Variants in KCNIP4 observed in about 807,000 individuals in gnomAD.
The protein encoded by KCNIP4 is Kv channel-interacting protein 4.
In KCNIP4, 12 loss-of-function variants were observed where a neutral mutation model predicts 34.0. The ratio of observed to expected loss-of-function variants is 0.35; its 90% CI spans 0.23 to 0.57. The LOEUF is 0.57. Ranked by LOEUF, KCNIP4 falls within the 20% of genes least tolerant of loss-of-function variation. The pLI, the probability that KCNIP4 is intolerant of heterozygous loss-of-function variation, is 0.83. For missense variants in KCNIP4, 238 were observed against 311.7 expected (o/e 0.76, Z 1.78); for synonymous variants, 124 against 102.2 (o/e 1.21, Z -1.29).
intron 1 of KCNIP4, among the ~76,000 whole-genome samples, chr4:20,967,134 T>C (rs1249429220): frequency 5.3e-5 from 8 of 152,214 alleles, no homozygotes. Context: ...ATGACCTATA[T>C]CTTAGGGAAG....
chr4:21,948,148 G>C (rs539423083), intron 1 of KCNIP4, among the ~76,000 whole-genome samples: 1 of 152,186 alleles, frequency 6.6e-6, no homozygotes, highest in Non-Finnish European at 1.5e-5. Context: ...ATGAAGAAAC[G>C]TGTGGGGGCA....
intron 1 of KCNIP4, among the ~76,000 whole-genome samples, chr4:21,815,125 G>C (rs1721913081): frequency 1.3e-5 from 2 of 152,036 alleles, no homozygotes; most frequent in African/African-American, 4.8e-5. Flanking sequence ...GTGTACACCA[G>C]GTTAAGGTGG....
At chr4:21,625,179 A>T (rs1043268504) in intron 1 of KCNIP4, among the ~76,000 whole-genome samples, 36 of 152,090 alleles carry the variant, frequency 2.4e-4, no homozygotes, top group African/African-American at 8.4e-4. Flanking sequence ...AAATAATAAT[A>T]TACATTAAAC....
intron 3 of KCNIP4, among the ~76,000 whole-genome samples, chr4:20,803,004 G>T (rs770891406): frequency 6.6e-6 from 1 of 150,998 alleles, no homozygotes; most frequent in Non-Finnish European, 1.5e-5. Flanking sequence ...GAATCTGGGA[G>T]GCGTAGCATG....
chr4:21,526,228 T>A (rs1333541424), intron 1 of KCNIP4, among the ~76,000 whole-genome samples: 1 of 152,070 alleles, frequency 6.6e-6, no homozygotes, highest in Admixed American at 6.6e-5. Context: ...GCAGGTAGGT[T>A]TTTCCAGGGC....
At chr4:20,897,938 C>G (rs1374986216) in intron 1 of KCNIP4, among the ~76,000 whole-genome samples, 1 of 152,110 alleles carries the variant, frequency 6.6e-6, no homozygotes, top group Non-Finnish European at 1.5e-5. Flanking sequence ...GATACCTGGT[C>G]AAATATTCTT....
chr4:21,568,124 C>T (rs55960027), intron 1 of KCNIP4, among the ~76,000 whole-genome samples: 1 of 152,008 alleles, frequency 6.6e-6, no homozygotes, highest in Non-Finnish European at 1.5e-5. Flanking sequence ...GAATTCAAAT[C>T]GTATTATAAT....
chr4:20,909,177 T>A (rs1177916839), intron 1 of KCNIP4, among the ~76,000 whole-genome samples: 1 of 152,240 alleles, frequency 6.6e-6, no homozygotes, highest in African/African-American at 2.4e-5. Flanking sequence ...TAGAAAATCA[T>A]ATATGAAATT....
intron 1 of KCNIP4, among the ~76,000 whole-genome samples, chr4:21,878,505 C>T (rs1726273132): frequency 6.6e-6 from 1 of 152,136 alleles, no homozygotes; most frequent in Non-Finnish European, 1.5e-5. Context: ...ATTCTTTCAC[C>T]TACTACCATC....
intron 1 of KCNIP4, among the ~76,000 whole-genome samples, chr4:21,048,303 AAAGAG>A (rs1429287531): frequency 2.0e-5 from 3 of 152,088 alleles, no homozygotes; most frequent in Non-Finnish European, 2.9e-5. Flanking sequence ...TGTAAACTCT[AAAGAG>A]AAGATGACAA....
chr4:21,948,480 C>G, intron 1 of KCNIP4, 91 bp downstream of exon 1: 1 of 1,410,780 alleles, frequency 7.1e-7, no homozygotes, highest in Non-Finnish European at 9.7e-7. Flanking sequence ...AACAAGCGTC[C>G]CCAGCCGAGG....
At chr4:21,809,979 T>C (rs1431982594) in intron 1 of KCNIP4, among the ~76,000 whole-genome samples, 1 of 152,150 alleles carries the variant, frequency 6.6e-6, no homozygotes, top group African/African-American at 2.4e-5. Flanking sequence ...TTAGAATGCA[T>C]GTCATTCTTT....
chr4:20,913,285 A>G (rs1162257980), intron 1 of KCNIP4, among the ~76,000 whole-genome samples: 3 of 152,212 alleles, frequency 2.0e-5, no homozygotes, highest in Admixed American at 6.5e-5. Flanking sequence ...TCCGACTCAA[A>G]ATGCCACACA....
chr4:20,780,970 A>G (rs560260751), intron 3 of KCNIP4, among the ~76,000 whole-genome samples: 3 of 152,342 alleles, frequency 2.0e-5, no homozygotes, highest in South Asian at 4.1e-4. Flanking sequence ...AAAGGAATCA[A>G]TGTAGCCTCG....
intron 1 of KCNIP4, among the ~76,000 whole-genome samples, chr4:21,835,366 G>C (rs189248301): frequency 6.6e-6 from 1 of 151,882 alleles, no homozygotes; most frequent in African/African-American, 2.4e-5. Context: ...AAAATAAAAA[G>C]GTGATCAATC....
At chr4:21,682,019 T>C (rs1379256043) in intron 1 of KCNIP4, among the ~76,000 whole-genome samples, 2 of 152,018 alleles carry the variant, frequency 1.3e-5, no homozygotes, top group African/African-American at 2.4e-5. Context: ...TTACTGAGTG[T>C]CTGGGATTAT....
At chr4:21,297,275 C>T (rs1763898189) in intron 1 of KCNIP4, among the ~76,000 whole-genome samples, 1 of 151,974 alleles carries the variant, frequency 6.6e-6, no homozygotes, top group South Asian at 2.1e-4. Context: ...GAACTGGCTA[C>T]CAGATGGTAA....
chr4:21,119,023 A>C (rs1186601578), intron 1 of KCNIP4, among the ~76,000 whole-genome samples: 2 of 152,200 alleles, frequency 1.3e-5, no homozygotes, highest in African/African-American at 4.8e-5. Context: ...AGGTTTTTGA[A>C]ACATCATATG....
chr4:21,765,917 T>G (rs1353998244), intron 1 of KCNIP4, among the ~76,000 whole-genome samples: 1 of 151,470 alleles, frequency 6.6e-6, no homozygotes, highest in Non-Finnish European at 1.5e-5. Flanking sequence ...CAAAGATACT[T>G]AGGAAAAGGC....
Sources: allele counts gnomAD v4.1 joint callset (sites outside exome capture counted in the v4.1 genomes callset), GRCh38; gene constraint gnomAD v4.1.1; transcripts MANE v1.5; gene names NCBI Gene and HGNC (gene_info 2026-07-23, HGNC 2026-07-21).